The following CLEC19A variants were observed in gnomAD, a reference collection of about 807,000 sequenced individuals.
CLEC19A encodes the protein C-type lectin domain family 19 member A.
CLEC19A carries 21 observed loss-of-function variants against 26.1 expected under a neutral mutation model. The observed-to-expected ratio is 0.80, with a 90% CI of 0.57 to 1.16. The LOEUF (loss-of-function observed/expected upper bound fraction) is 1.16, where lower values mean the gene tolerates loss of function less well. Among genes scored for constraint, CLEC19A ranks in the 50% most tolerant of loss-of-function variants. The pLI is 0.00. For missense variants in CLEC19A, 224 were observed against 227.6 expected (o/e 0.98, Z 0.10); for synonymous variants, 89 against 88.6 (o/e 1.00, Z -0.03).
chr16:19,299,325 A>C (rs569557137), intron 2 of CLEC19A, among the ~76,000 whole-genome samples: 189 of 152,314 alleles, frequency 1.2e-3, no homozygotes, highest in Non-Finnish European at 2.2e-3. Context: ...CATGACATTA[A>C]AACTCCCTCA....
At chr16:19,307,707 AG>A (rs1358220662) in intron 4 of CLEC19A, 30 bp downstream of exon 4, 11 of 1,546,824 alleles carry the variant, frequency 7.1e-6, no homozygotes, top group Non-Finnish European at 9.6e-6. Context: ...AGGCTCTTGC[AG>A]GGGAGCCCAG....
In CLEC19A at chr16:19,308,322, C is replaced by T. The variant is rs111406354; in HGVS notation, c.481+645C>T. 4.2e-3 allele frequency among the ~76,000 whole-genome samples: 644 copies of T among 152,266 alleles called. 6 individuals carry two copies. Among genetic ancestry groups the T allele is most frequent in the African/African-American group, 0.015 (606 of 41,542 alleles). Reference sequence around the variant, plus strand: ...CCCTTGTGTGAACCCCCGCTCCATCCTTAATGTGTAGCCCAAAGAGAATGC... The same window carrying T: ...CCCTTGTGTGAACCCCCGCTCCATCTTTAATGTGTAGCCCAAAGAGAATGC... On this transcript the variant is annotated intron_variant, in intron 4 of 4. Coordinates refer to ENST00000636231, the MANE Select transcript of CLEC19A (RefSeq NM_001256720.2).
intron 1 of CLEC19A, among the ~76,000 whole-genome samples, chr16:19,287,661 G>A (rs779764646): frequency 1.3e-5 from 2 of 152,152 alleles, no homozygotes; most frequent in Non-Finnish European, 1.5e-5. Flanking sequence ...GTTTGAAAGC[G>A]GGAGTAACTA....
intron 1 of CLEC19A, among the ~76,000 whole-genome samples, chr16:19,294,992 G>A (rs976021486): frequency 1.3e-5 from 2 of 152,074 alleles, no homozygotes; most frequent in African/African-American, 4.8e-5. Context: ...GTTCAATATA[G>A]GATGTTTAGC....
chr16:19,287,751 A>G, intron 1 of CLEC19A, among the ~76,000 whole-genome samples: 1 of 152,158 alleles, frequency 6.6e-6, no homozygotes, highest in East Asian at 1.9e-4. Flanking sequence ...CTGAGCCCCA[A>G]GTGGGGATAA....
At chr16:19,301,234 C>G (rs973712073) in intron 2 of CLEC19A, among the ~76,000 whole-genome samples, 1 of 152,198 alleles carries the variant, frequency 6.6e-6, no homozygotes, top group African/African-American at 2.4e-5. Flanking sequence ...CATGGAGAAC[C>G]AAACTAACCA....
At chr16:19,305,956 G>T (rs1266345041) in intron 3 of CLEC19A, among the ~76,000 whole-genome samples, 1 of 151,324 alleles carries the variant, frequency 6.6e-6, no homozygotes, top group Non-Finnish European at 1.5e-5. Flanking sequence ...CCATTCTCCC[G>T]CCTCAGCCTC....
At chr16:19,306,024 T>C (rs1897945345) in intron 3 of CLEC19A, among the ~76,000 whole-genome samples, 2 of 151,916 alleles carry the variant, frequency 1.3e-5, no homozygotes, top group Admixed American at 6.6e-5. Context: ...TTTGTAGTTT[T>C]AGTAGAGACT....
In CLEC19A at chr16:19,298,704, C is replaced by T; in HGVS notation, c.120C>T (p.Cys40=). Reference sequence around the variant, plus strand: ...CAGAGCTGCCCCTGCCTTCCCTGTGCCCCCTGTTCTGGATGGAGTTCAAAG... The same window carrying T: ...CAGAGCTGCCCCTGCCTTCCCTGTGTCCCCTGTTCTGGATGGAGTTCAAAG... The part of the protein sequence containing the change: ...ALPELPLPSL[C]PLFWMEFKGH... The change falls in exon 2 of 5, where the codon TGC becomes TGT. Residue 40 remains cysteine, a synonymous_variant. Coordinates refer to ENST00000636231, the MANE Select transcript of CLEC19A (RefSeq NM_001256720.2). The T allele has an allele frequency of 1.3e-6, 2 of 1,551,142 alleles. No homozygotes were observed. The highest frequency in any genetic ancestry group is 8.7e-7 in the Non-Finnish European group (1 of 1,147,112).
chr16:19,298,884 T>G lies in CLEC19A; in HGVS notation c.254+46T>G, dbSNP rs1274636504. ...CCCATAGTTCAACTAAGCACCCCCTTGGGAAATGGGGTGGAGAATGGTATT... is the reference window on the plus strand; with the variant it reads ...CCCATAGTTCAACTAAGCACCCCCTGGGGAAATGGGGTGGAGAATGGTATT... On this transcript the variant is annotated intron_variant, in intron 2 of 4. Transcript: ENST00000636231. 5.3e-6 allele frequency: 8 copies of G among 1,497,908 alleles called. No homozygotes were observed. The South Asian group carries it at 1.0e-4, about 19-fold the overall frequency. The allele number at this position is 1,497,908 out of a possible 1,614,324, so 92.8% of individuals were successfully genotyped here. A position where few individuals can be genotyped will look rare whatever the true frequency, so the allele number is the denominator to read the frequency against.
At chr16:19,304,526 C>T (rs1897909202) in intron 3 of CLEC19A, 1 of 177,348 alleles carries the variant, frequency 5.6e-6, no homozygotes, top group South Asian at 1.2e-4. Flanking sequence ...CATGGTGAAA[C>T]CTCGTCTCTA....
chr16:19,295,087 A>G (rs1897677599), intron 1 of CLEC19A, among the ~76,000 whole-genome samples: 1 of 152,072 alleles, frequency 6.6e-6, no homozygotes, highest in Non-Finnish European at 1.5e-5. Flanking sequence ...GACATTGTCC[A>G]ATGTCTCCTG....
chr16:19,291,508 G>A (rs777970715), intron 1 of CLEC19A, among the ~76,000 whole-genome samples: 1 of 152,200 alleles, frequency 6.6e-6, no homozygotes, highest in Non-Finnish European at 1.5e-5. Flanking sequence ...GATGTGTGAA[G>A]ATTGAGTGTA....
intron 1 of CLEC19A, among the ~76,000 whole-genome samples, chr16:19,292,368 T>C (rs1041456429): frequency 2.0e-5 from 3 of 152,140 alleles, no homozygotes; most frequent in Non-Finnish European, 2.9e-5. Flanking sequence ...CTAAACAATA[T>C]GCAAAACCAG....
chr16:19,292,786 G>A lies in CLEC19A; in HGVS notation c.89-5887G>A, dbSNP rs76177444. On this transcript the variant is annotated intron_variant, in intron 1 of 4. Transcript: ENST00000636231. ...TCAAGGGAATTATCTGCAAAGGTCA[G>A]AACATGTCTTTGAGAAATGGCAAAA... Among the ~76,000 whole-genome samples, 600 of 152,344 alleles carry A rather than the reference G, an allele frequency of 3.9e-3. 6 individuals carry two copies. The highest frequency in any genetic ancestry group is 0.014 in the African/African-American group (581 of 41,572).
chr16:19,299,913 G>A (rs927998364), intron 2 of CLEC19A, among the ~76,000 whole-genome samples: 3 of 151,918 alleles, frequency 2.0e-5, no homozygotes, highest in Non-Finnish European at 4.4e-5. Context: ...GTGTAGAGCC[G>A]CTGACTTTTG....
intron 1 of CLEC19A, among the ~76,000 whole-genome samples, chr16:19,294,550 A>G (rs887995329): frequency 3.3e-5 from 5 of 152,204 alleles, no homozygotes; most frequent in Non-Finnish European, 7.3e-5. Flanking sequence ...AAACCAGGGG[A>G]AAAACATCCT....
At chr16:19,303,905 A>T (rs1897888912) in intron 2 of CLEC19A, 157 bp from the exon 3 acceptor site, 2 of 601,808 alleles carry the variant, frequency 3.3e-6, no homozygotes. Context: ...AGGACCGGCC[A>T]CATATGGGTG....
intron 2 of CLEC19A, among the ~76,000 whole-genome samples, chr16:19,299,655 A>G (rs1205935078): frequency 6.6e-6 from 1 of 152,208 alleles, no homozygotes; most frequent in Non-Finnish European, 1.5e-5. Flanking sequence ...TCTTCAAGAC[A>G]GCTCTGACAA....
Sources: gnomAD v4.1 joint callset for allele counts (sites outside exome capture counted in the v4.1 genomes callset) on GRCh38, gnomAD v4.1.1 for gene constraint, MANE v1.5 for transcripts, NCBI Gene and HGNC (gene_info 2026-07-23, HGNC 2026-07-21) for gene names.